Variants in USP30 observed in about 807,000 individuals in gnomAD.
USP30 encodes the protein ubiquitin specific peptidase 30, also known as ubiquitin carboxyl-terminal hydrolase 30.
Under a neutral mutation model 68.2 loss-of-function variants are expected in USP30, and 41 were observed. The observed-to-expected ratio is 0.60, with a 90% CI of 0.47 to 0.78. USP30 has a LOEUF of 0.78. Among genes scored for constraint, USP30 ranks in the 30% least tolerant of loss-of-function variants. The pLI, the probability that USP30 is intolerant of heterozygous loss-of-function variation, is 0.00. For missense variants in USP30, 522 were observed against 649.4 expected (o/e 0.80, Z 2.13); for synonymous variants, 229 against 253.7 (o/e 0.90, Z 0.93).
rs1278460868 is a variant in USP30, at chr12:109,086,066, C to T, written c.*135C>T. The T allele has an allele frequency of 7.5e-6, 10 of 1,326,436 alleles. No homozygotes were observed. The highest frequency in any genetic ancestry group is 1.0e-5 in the Non-Finnish European group (10 of 996,774). 82.2% of individuals were successfully genotyped at this position (1,326,436 alleles called of 1,614,324 possible). A position where few individuals can be genotyped will look rare whatever the true frequency, so the allele number is the denominator to read the frequency against. On this transcript the variant is annotated 3_prime_UTR_variant, in exon 13 of 13. Transcript: ENST00000257548. ...TCTGGTGTGTTCTAAGAGCAGGCTCCACCTGGGAGCCAGCCCCAGTTCACA... is the reference window on the plus strand; with the variant it reads ...TCTGGTGTGTTCTAAGAGCAGGCTCTACCTGGGAGCCAGCCCCAGTTCACA...
intron 3 of USP30, among the ~76,000 whole-genome samples, chr12:109,066,684 C>CA (rs915478486): frequency 6.0e-5 from 9 of 150,448 alleles, no homozygotes; most frequent in South Asian, 2.1e-4. Context: ...GACTCTGTTT[C>CA]AAAAAAAAAG....
chr12:109,048,557 T>A (rs1258408352), upstream of USP30, among the ~76,000 whole-genome samples: 1 of 151,664 alleles, frequency 6.6e-6, no homozygotes, highest in Non-Finnish European at 1.5e-5. Context: ...CTGGCCAACA[T>A]GGCGAAACCC....
chr12:109,056,098 A>G (rs1440922271), intron 1 of USP30, among the ~76,000 whole-genome samples: 1 of 152,192 alleles, frequency 6.6e-6, no homozygotes, highest in African/African-American at 2.4e-5. Context: ...GTGGAGTGAG[A>G]GGCAGAAAAG....
Position 109,083,075 on chromosome 12 carries a change from G to T in USP30, c.1168+13G>T, listed in dbSNP as rs1310402851. 3 of 1,577,654 alleles carry T rather than the reference G, an allele frequency of 1.9e-6. No homozygotes were observed. Among genetic ancestry groups the T allele is most frequent in the South Asian group, 1.2e-5 (1 of 85,944 alleles). On this transcript the variant is annotated intron_variant, in intron 11 of 12. Transcript: ENST00000257548. ...GCCCCCACACCAGGTGTGTGCGCGC[G>T]AGGAGCCGATGCAGCAGGAATTTTC...
In USP30 at chr12:109,058,029, C is replaced by T; in HGVS notation, c.297C>T (p.Phe99=). The change falls in exon 3 of 13, where the codon TTC becomes TTT. Residue 99 remains phenylalanine, a synonymous_variant. Transcript: ENST00000257548. ...CTTTCATCAGGTGGCTGGAAGAGTT[C>T]ACCTCCCAGTACTCCAGGGATCAGA... The part of the protein sequence containing the change: ...CPAFIRWLEE[F]TSQYSRDQKE... The T allele has an allele frequency of 6.2e-7, 1 of 1,614,134 alleles. No homozygotes were observed. The highest frequency in any genetic ancestry group is 8.5e-7 in the Non-Finnish European group (1 of 1,180,020).
Position 109,052,589 on chromosome 12 carries a change from C to T in USP30, c.-90C>T. 7.6e-7 allele frequency: 1 copy of T among 1,316,160 alleles called. No individual in the cohort carries two copies. The highest frequency in any genetic ancestry group is 9.9e-7 in the Non-Finnish European group (1 of 1,012,514). The allele number at this position is 1,316,160 out of a possible 1,614,324, so 81.5% of individuals were successfully genotyped here. On this transcript the variant is annotated 5_prime_UTR_variant, in exon 1 of 13. Coordinates refer to ENST00000257548, the MANE Select transcript of USP30 (RefSeq NM_032663.5). ...GGTGCTGGGACTGCGGCCGCAGGTTCCGCTGTCTCGGGAACCGTCGTATCC... is the reference window on the plus strand; with the variant it reads ...GGTGCTGGGACTGCGGCCGCAGGTTTCGCTGTCTCGGGAACCGTCGTATCC...
chr12:109,052,850 G>A, intron 1 of USP30, 89 bp downstream of exon 1: 1 of 1,282,372 alleles, frequency 7.8e-7, no homozygotes, highest in South Asian at 1.8e-5. Context: ...CCCTAGTTGG[G>A]GTCTCCAGGG....
chr12:109,074,299 C>A (rs2041530111), intron 7 of USP30, among the ~76,000 whole-genome samples: 1 of 152,172 alleles, frequency 6.6e-6, no homozygotes, highest in African/African-American at 2.4e-5. Flanking sequence ...ATTGTTAACA[C>A]TTTTTGGCCA....
chr12:109,074,844 T>C (rs904063537), intron 7 of USP30, among the ~76,000 whole-genome samples: 1 of 152,244 alleles, frequency 6.6e-6, no homozygotes, highest in African/African-American at 2.4e-5. Flanking sequence ...ATTCGTCTTA[T>C]AACTGAAGGT....
Position 109,052,621 on chromosome 12 carries a change from C to CCGG in USP30, c.-42_-40dup, listed in dbSNP as rs3217401. The stretch of plus-strand genomic sequence containing the variant: ...CTCGGGAACCGTCGTATCCCTCGGT[C>CCGG]CGGCGGCGGCGGCGGCGGTAGCGGA... On this transcript the variant is annotated 5_prime_UTR_variant, in exon 1 of 13. Coordinates refer to ENST00000257548, the MANE Select transcript of USP30 (RefSeq NM_032663.5). 4,966 of 1,281,132 alleles carry CCGG rather than the reference C, an allele frequency of 3.9e-3. No homozygotes were observed. The highest frequency in any genetic ancestry group is 8.0e-3 in the Admixed American group (243 of 30,472). The allele number at this position is 1,281,132 out of a possible 1,614,324, so 79.4% of individuals were successfully genotyped here. A position where few individuals can be genotyped will look rare whatever the true frequency, so the allele number is the denominator to read the frequency against.
intron 3 of USP30, among the ~76,000 whole-genome samples, chr12:109,030,945 T>G (rs1159621177): frequency 1.3e-5 from 2 of 152,136 alleles, no homozygotes; most frequent in African/African-American, 4.8e-5. Context: ...TACACATATA[T>G]CAAATCATCA....
intron 3 of USP30, among the ~76,000 whole-genome samples, chr12:109,046,359 C>T (rs1441951861): frequency 6.6e-6 from 1 of 151,456 alleles, no homozygotes; most frequent in African/African-American, 2.4e-5. Context: ...GTGATCTGCC[C>T]ACCTCAGCCT....
chr12:109,059,354 C>T (rs2040984473), intron 3 of USP30, among the ~76,000 whole-genome samples: 2 of 151,954 alleles, frequency 1.3e-5, no homozygotes, highest in South Asian at 4.2e-4. Flanking sequence ...GCCACCACAC[C>T]CAGCTAATTT....
Position 109,081,349 on chromosome 12 carries a change from G to C in USP30, c.736G>C (p.Asp246His). The change falls in exon 8 of 13, where the codon GAT (aspartate) becomes CAT (histidine). Residue 246 changes from aspartate to histidine, a missense_variant. Asp to His is a moderately conservative substitution (Grantham distance 81). Coordinates refer to ENST00000257548, the MANE Select transcript of USP30 (RefSeq NM_032663.5). ...TTTCTTTCAGAGTCCTGTTCGATTT[G>C]ATACCTTTGATAGCCTTTCACTAAG... ...HCEHQSPVRF[D>H]TFDSLSLSIP... 6.2e-7 allele frequency: 1 copy of C among 1,614,094 alleles called. No individual in the cohort carries two copies. The highest frequency in any genetic ancestry group is 1.1e-5 in the South Asian group (1 of 91,076).
At chr12:109,038,621 A>G (rs537285266) in intron 3 of USP30, among the ~76,000 whole-genome samples, 2 of 152,174 alleles carry the variant, frequency 1.3e-5, no homozygotes, top group African/African-American at 4.8e-5. Flanking sequence ...TTTCTCTTGG[A>G]TAAATAAATA....
At chr12:109,023,133 T>A (rs1427479504) in exon 1 of USP30, 1 of 152,280 alleles carries the variant, frequency 6.6e-6, no homozygotes, top group Non-Finnish European at 1.5e-5. Context: ...GACAACCTGG[T>A]ACCTTTTCGA....
In USP30 at chr12:109,082,003, G is replaced by C; in HGVS notation, c.851G>C (p.Cys284Ser). 3 of 1,614,216 alleles carry C rather than the reference G, an allele frequency of 1.9e-6. No individual in the cohort carries two copies. The highest frequency in any genetic ancestry group is 2.5e-6 in the Non-Finnish European group (3 of 1,180,048). Residue 284 changes from cysteine to serine, a missense_variant, in exon 9 of 13, where the codon TGT becomes TCT. Coordinates refer to ENST00000257548, the MANE Select transcript of USP30 (RefSeq NM_032663.5). ...ISSESVRDVV[C>S]DNCTKIEAKG... is the part of the protein sequence containing the mutation. ...TCAGAATCAGTGCGGGATGTTGTGT[G>C]TGACAACTGTACAAAGGTATGCATT...
rs1316794388 is a variant in USP30, at chr12:109,081,830, G to A, written c.781-103G>A. 4.3e-6 allele frequency: 5 copies of A among 1,164,576 alleles called. No homozygotes were observed. The African/African-American group carries it at 7.6e-5, about 18-fold the overall frequency. 72.1% of individuals were successfully genotyped at this position (1,164,576 alleles called of 1,614,324 possible). ...TTGTGACTATAAAACTTTATTGCCT[G>A]CATACATCAAAATAAAGCTCTGGTC... On this transcript the variant is annotated intron_variant, in intron 8 of 12. Coordinates refer to ENST00000257548, the MANE Select transcript of USP30 (RefSeq NM_032663.5).
chr12:109,057,565 C>G (rs2040916415), intron 2 of USP30, among the ~76,000 whole-genome samples: 1 of 152,128 alleles, frequency 6.6e-6, no homozygotes, highest in Non-Finnish European at 1.5e-5. Flanking sequence ...AGAAACATTG[C>G]TTTCTGATTA....
Sources: allele counts gnomAD v4.1 joint callset (sites outside exome capture counted in the v4.1 genomes callset), GRCh38; gene constraint gnomAD v4.1.1; transcripts MANE v1.5; gene names NCBI Gene and HGNC (gene_info 2026-07-23, HGNC 2026-07-21).